Variants in CFAP44 observed in about 807,000 individuals in gnomAD.
The protein encoded by CFAP44 is cilia- and flagella-associated protein 44.
In CFAP44, 134 loss-of-function variants were observed where a neutral mutation model predicts 216.2. That is an observed-to-expected ratio of 0.62 (90% CI 0.54 to 0.72). The LOEUF is 0.72. CFAP44 is among the 30% of genes least tolerant of loss of function. The pLI is 0.00. For synonymous variants in CFAP44, 700 were observed against 727.6 expected, an observed-to-expected ratio of 0.96 and a Z score of 0.61; for missense variants, 2,035 against 2,182.1, an observed-to-expected ratio of 0.93 and a Z score of 1.34.
intron 17 of CFAP44, 138 bp from the exon 18 acceptor site, chr3:113,373,694 T>A (rs570591236): frequency 1.5e-6 from 1 of 686,180 alleles, no homozygotes; most frequent in South Asian, 4.1e-5. Context: ...ATTTCTATGA[T>A]TATAGATTTA....
At chr3:113,340,194 A>C (rs1218059756) in intron 24 of CFAP44, among the ~76,000 whole-genome samples, 3 of 152,218 alleles carry the variant, frequency 2.0e-5, no homozygotes, top group African/African-American at 7.2e-5. Context: ...GCAGCTGTCA[A>C]AGTGGAGGCA....
chr3:113,334,708 C>T (rs1219954228), intron 24 of CFAP44, among the ~76,000 whole-genome samples: 3 of 152,060 alleles, frequency 2.0e-5, no homozygotes, highest in African/African-American at 7.2e-5. Flanking sequence ...CAAACTTTCC[C>T]ACCTACACAC....
chr3:113,418,066 A>ATTTATTTATTTATCT (rs1377501892), intron 5 of CFAP44, among the ~76,000 whole-genome samples: 2 of 151,344 alleles, frequency 1.3e-5, no homozygotes, highest in Non-Finnish European at 2.9e-5. Context: ...CAATTTATTT[A>ATTTATTTATTTATCT]TTTATTTATT....
At position 113,411,195 on chromosome 3, in the gene CFAP44, G is replaced by C. The variant is rs371254002; in HGVS notation, c.674-1873C>G. Among the ~76,000 whole-genome samples the C allele has an allele frequency of 1.1e-4, 16 of 152,236 alleles. No individual in the cohort carries two copies. In the South Asian group the frequency reaches 1.5e-3, roughly 14 times the overall value. Reference sequence around the variant, plus strand: ...TTGGCTTTTGTTGCCATTGCTTTTGGTGTTTTACACATGAAGTCCTTGCCC... The same window carrying C: ...TTGGCTTTTGTTGCCATTGCTTTTGCTGTTTTACACATGAAGTCCTTGCCC... On this transcript the variant is annotated intron_variant, in intron 6 of 34. Transcript: ENST00000393845.
chr3:113,387,353 G>A (rs1032778970), intron 15 of CFAP44, among the ~76,000 whole-genome samples: 4 of 152,164 alleles, frequency 2.6e-5, no homozygotes, highest in South Asian at 2.1e-4. Flanking sequence ...TACCAGCTAA[G>A]CTACAGTAGG....
intron 15 of CFAP44, among the ~76,000 whole-genome samples, chr3:113,395,509 T>G (rs943299632): frequency 6.6e-6 from 1 of 152,134 alleles, no homozygotes. Context: ...GAGAAGATCA[T>G]GGTCAACTAA....
chr3:113,426,385 C>A (rs182931350), intron 3 of CFAP44, 108 bp from the exon 4 acceptor site: 10 of 1,205,940 alleles, frequency 8.3e-6, no homozygotes, highest in African/African-American at 1.5e-5. Flanking sequence ...ATGGGAGAGA[C>A]CTGGTAGGAG....
In CFAP44 at chr3:113,403,983, G is replaced by A. The variant is rs1311000951; in HGVS notation, c.1039C>T (p.Leu347Phe). 1 of 1,613,950 alleles carries A rather than the reference G, an allele frequency of 6.2e-7. No homozygotes were observed. Among genetic ancestry groups the A allele is most frequent in the African/African-American group, 1.3e-5 (1 of 74,912 alleles). Reference sequence around the variant, plus strand: ...ACTTTGATCAGACCACCTTCCCAAAGCAGCATGTTGCCCCATTCTGACCCT... The same window carrying A: ...ACTTTGATCAGACCACCTTCCCAAAACAGCATGTTGCCCCATTCTGACCCT... ...LSGSEWGNML[L>F]WEGGLIKVEL... The change falls in exon 9 of 35, where the codon CTT becomes TTT. Residue 347 changes from leucine (L) to phenylalanine (F), a missense_variant. Leu to Phe is a conservative substitution (Grantham distance 22). Coordinates refer to ENST00000393845, the MANE Select transcript of CFAP44 (RefSeq NM_001164496.2).
At chr3:113,371,788 G>A (rs1212705509) in intron 18 of CFAP44, among the ~76,000 whole-genome samples, 1 of 152,094 alleles carries the variant, frequency 6.6e-6, no homozygotes, top group East Asian at 1.9e-4. Flanking sequence ...GAGTGAACAG[G>A]CAACCTACAG....
At chr3:113,320,532 A>G (rs1232092022) in intron 28 of CFAP44, among the ~76,000 whole-genome samples, 3 of 146,024 alleles carry the variant, frequency 2.1e-5, no homozygotes, top group Non-Finnish European at 4.5e-5. Context: ...ATGAAGTTAT[A>G]TATGTATATA....
At chr3:113,439,595 G>A (rs77728611) in intron 1 of CFAP44, among the ~76,000 whole-genome samples, 3,067 of 152,238 alleles carry the variant, frequency 0.02, 33 homozygotes, top group East Asian at 0.054. Context: ...CCATTGCAAT[G>A]CCTTACTCCC....
chr3:113,363,611 A>T (rs1194455769), intron 19 of CFAP44, 79 bp from the exon 20 acceptor site: 1 of 1,277,756 alleles, frequency 7.8e-7, no homozygotes, highest in Non-Finnish European at 1.1e-6. Flanking sequence ...GAAGTAAATT[A>T]AAAACTCAAA....
intron 28 of CFAP44, among the ~76,000 whole-genome samples, 177 bp downstream of exon 28, chr3:113,326,268 A>C (rs1323866681): frequency 6.6e-6 from 1 of 152,244 alleles, no homozygotes; most frequent in South Asian, 2.1e-4. Flanking sequence ...CACACAGATT[A>C]ACTCGAGGTG....
At chr3:113,351,819 T>C (rs1950447872) in intron 22 of CFAP44, among the ~76,000 whole-genome samples, 1 of 152,202 alleles carries the variant, frequency 6.6e-6, no homozygotes, top group African/African-American at 2.4e-5. Flanking sequence ...CCTGTCAAAT[T>C]TGTTTCCTCC....
chr3:113,426,027 G>A (rs2107403197), intron 4 of CFAP44, 97 bp downstream of exon 4: 1 of 1,412,110 alleles, frequency 7.1e-7, no homozygotes, highest in Non-Finnish European at 9.6e-7. Context: ...CAAAACAGGT[G>A]GGAAGGCACA....
intron 32 of CFAP44, 33 bp downstream of exon 32, chr3:113,303,883 C>A (rs2107792112): frequency 1.3e-6 from 2 of 1,534,450 alleles, no homozygotes; most frequent in Admixed American, 2.0e-5. Context: ...ACCAATAAAC[C>A]TTACTAGCAA....
intron 6 of CFAP44, among the ~76,000 whole-genome samples, chr3:113,410,274 T>C (rs962378731): frequency 6.6e-6 from 1 of 152,192 alleles, no homozygotes; most frequent in Non-Finnish European, 1.5e-5. Context: ...ACATTAGGTA[T>C]ATCTCCTAAT....
chr3:113,409,206 G>T lies in CFAP44; in HGVS notation c.790C>A (p.Pro264Thr). ...LTIWNWKEEQ[P>T]ILRTKAFSQE... ...GAAAAAGCTTTTGTCCTTAGTATGG[G>T]TTGTTCTTCTTTCCAGTTCCAGATA... is the stretch of plus-strand genomic sequence containing the variant. Residue 264 changes from proline to threonine, a missense_variant, in exon 7 of 35, where the codon CCC becomes ACC. Pro to Thr is a conservative substitution (Grantham distance 38, BLOSUM62 -1). This residue lies in a region of CFAP44 where 1,883 missense variants were observed against 2,023.7 expected (regional missense o/e 0.93). Coordinates refer to ENST00000393845, the MANE Select transcript of CFAP44 (RefSeq NM_001164496.2). 6.2e-7 allele frequency: 1 copy of T among 1,614,100 alleles called. No individual in the cohort carries two copies. The highest frequency in any genetic ancestry group is 8.5e-7 in the Non-Finnish European group (1 of 1,180,028).
At chr3:113,361,293 A>C (rs967653323) in intron 21 of CFAP44, 5 of 220,232 alleles carry the variant, frequency 2.3e-5, no homozygotes, top group African/African-American at 1.2e-4. Flanking sequence ...TCAGAGGGTG[A>C]ATATTCAGCC....
Sources: gnomAD v4.1 joint callset for allele counts (sites outside exome capture counted in the v4.1 genomes callset) on GRCh38, gnomAD v4.1.1 for gene constraint, gnomAD v4.1.1 regional missense constraint, MANE v1.5 for transcripts, NCBI Gene and HGNC (gene_info 2026-07-23, HGNC 2026-07-21) for gene names.